The following CPNE4 variants were observed in gnomAD, a reference collection of about 807,000 sequenced individuals.
The protein encoded by CPNE4 is copine-4.
CPNE4 carries 25 observed loss-of-function variants against 67.9 expected under a neutral mutation model. The ratio of observed to expected loss-of-function variants is 0.37; its 90% CI spans 0.27 to 0.51. The LOEUF is 0.51. Ranked by LOEUF, CPNE4 falls within the 20% of genes least tolerant of loss-of-function variation. CPNE4 has a pLI of 0.93. For missense variants in CPNE4, 464 were observed against 690.8 expected (o/e 0.67, Z 3.68); for synonymous variants, 242 against 244.9 (o/e 0.99, Z 0.11).
intron 1 of CPNE4, among the ~76,000 whole-genome samples, chr3:131,911,169 C>A (rs2088958486): frequency 6.6e-6 from 1 of 152,108 alleles, no homozygotes; most frequent in Non-Finnish European, 1.5e-5. Flanking sequence ...GACTCTCTCC[C>A]TTGTTGGCTT....
intron 7 of CPNE4, among the ~76,000 whole-genome samples, chr3:131,656,850 C>T (rs997652236): frequency 2.2e-4 from 34 of 152,108 alleles, no homozygotes; most frequent in African/African-American, 7.7e-4. Flanking sequence ...GAGTTGACAC[C>T]TGAATGTTAA....
At chr3:131,775,079 CA>C (rs2083260456) in intron 2 of CPNE4, among the ~76,000 whole-genome samples, 1 of 152,078 alleles carries the variant, frequency 6.6e-6, no homozygotes, top group African/African-American at 2.4e-5. Flanking sequence ...TCTCTTTCCC[CA>C]AGGCTAGTAA....
intron 7 of CPNE4, chr3:131,620,416 T>G (rs2107758078): frequency 1.0e-6 from 1 of 982,288 alleles, no homozygotes; most frequent in East Asian, 1.1e-4. Context: ...TGAGCCATTT[T>G]CCTTGAGCTC....
intron 1 of CPNE4, among the ~76,000 whole-genome samples, chr3:131,996,238 CA>C (rs1186026205): frequency 2.0e-5 from 3 of 152,008 alleles, no homozygotes; most frequent in African/African-American, 7.3e-5. Flanking sequence ...TCCATGAGAG[CA>C]AAAGGTTGGA....
At chr3:131,633,096 A>G (rs539300330) in intron 7 of CPNE4, among the ~76,000 whole-genome samples, 7 of 152,270 alleles carry the variant, frequency 4.6e-5, no homozygotes, top group South Asian at 4.2e-4. Context: ...CCAGTTGCTC[A>G]GGCTAAGATT....
chr3:131,533,750 T>C lies in CPNE4; in HGVS notation c.*1445A>G, dbSNP rs1229602929. On this transcript the variant is annotated 3_prime_UTR_variant, in exon 16 of 16. Coordinates refer to ENST00000429747, the MANE Select transcript of CPNE4 (RefSeq NM_130808.3). ...AGGCATTTTATTTGCTTGTTAATAC[T>C]GCTCCCCTCTTCAAACAAACAACAA... The C allele has an allele frequency of 6.6e-6, 1 of 152,242 alleles. No individual in the cohort carries two copies. The highest frequency in any genetic ancestry group is 1.5e-5 in the Non-Finnish European group (1 of 68,044). The allele number at this position is 152,242 out of a possible 1,614,324, so 9.4% of individuals were successfully genotyped here. A position where few individuals can be genotyped will look rare whatever the true frequency, so the allele number is the denominator to read the frequency against.
At chr3:131,542,034 CT>C (rs1341302780) in intron 15 of CPNE4, among the ~76,000 whole-genome samples, 1 of 152,116 alleles carries the variant, frequency 6.6e-6, no homozygotes. Flanking sequence ...ATTTTTGATG[CT>C]GCTTACTATA....
intron 6 of CPNE4, among the ~76,000 whole-genome samples, chr3:131,671,459 A>ATGTATGTG (rs1491205483): frequency 1.8e-4 from 24 of 131,360 alleles, no homozygotes; most frequent in African/African-American, 5.6e-4. Flanking sequence ...GAGTGTACAC[A>ATGTATGTG]TGTGTGTGTG....
chr3:131,627,447 T>C (rs377069285), intron 7 of CPNE4, among the ~76,000 whole-genome samples: 1 of 152,172 alleles, frequency 6.6e-6, no homozygotes, highest in African/African-American at 2.4e-5. Flanking sequence ...GGAGATTCAT[T>C]GTTGTTTTTG....
intron 3 of CPNE4, among the ~76,000 whole-genome samples, chr3:131,717,951 C>CT: frequency 7.0e-6 from 1 of 141,992 alleles, no homozygotes; most frequent in Non-Finnish European, 1.5e-5. Flanking sequence ...TCTTTTCTTT[C>CT]TTTCTCTCTT....
intron 1 of CPNE4, among the ~76,000 whole-genome samples, chr3:132,004,391 T>A (rs1428185694): frequency 1.3e-5 from 2 of 152,118 alleles, no homozygotes; most frequent in Non-Finnish European, 2.9e-5. Context: ...ATAGGATGCA[T>A]GTATGTCTGC....
intron 2 of CPNE4, among the ~76,000 whole-genome samples, chr3:131,869,673 G>A (rs1483616499): frequency 1.3e-5 from 2 of 152,060 alleles, no homozygotes; most frequent in African/African-American, 4.8e-5. Flanking sequence ...ATTTTATTTT[G>A]ACTTTATTTT....
intron 2 of CPNE4, among the ~76,000 whole-genome samples, chr3:131,726,430 T>A (rs1231593540): frequency 6.6e-6 from 1 of 152,020 alleles, no homozygotes; most frequent in East Asian, 1.9e-4. Flanking sequence ...CCAAGGATAA[T>A]CAGAAAGCCA....
At chr3:131,662,231 A>G (rs2080145172) in intron 7 of CPNE4, among the ~76,000 whole-genome samples, 1 of 152,222 alleles carries the variant, frequency 6.6e-6, no homozygotes, top group Non-Finnish European at 1.5e-5. Context: ...AGTGGACTCA[A>G]ATCCATTTGG....
Position 131,697,709 on chromosome 3 carries a change from T to C in CPNE4, c.433-1093A>G, listed in dbSNP as rs2081187610. On this transcript the variant is annotated intron_variant, in intron 4 of 15. Coordinates refer to ENST00000429747, the MANE Select transcript of CPNE4 (RefSeq NM_130808.3). Reference sequence around the variant, plus strand: ...AGAACTATCATATTTGTATTTTTCATTTGGTTCTCTTTTGTCCCTTACCAC... The same window carrying C: ...AGAACTATCATATTTGTATTTTTCACTTGGTTCTCTTTTGTCCCTTACCAC... 2.6e-5 allele frequency among the ~76,000 whole-genome samples: 4 copies of C among 152,206 alleles called. No homozygotes were observed. In the South Asian group the frequency reaches 8.3e-4, roughly 31 times the overall value.
intron 2 of CPNE4, among the ~76,000 whole-genome samples, chr3:131,859,775 A>G (rs902148194): frequency 1.3e-5 from 2 of 152,184 alleles, no homozygotes; most frequent in Admixed American, 6.5e-5. Flanking sequence ...AATTCTGCTG[A>G]TACCCAAACG....
intron 2 of CPNE4, among the ~76,000 whole-genome samples, chr3:131,763,935 C>A (rs1012422750): frequency 6.6e-6 from 1 of 152,014 alleles, no homozygotes; most frequent in African/African-American, 2.4e-5. Context: ...CAAACACTTA[C>A]AGGGTGCATC....
intron 7 of CPNE4, chr3:131,620,572 A>G: frequency 1.9e-6 from 1 of 515,616 alleles, no homozygotes; most frequent in Non-Finnish European, 2.5e-6. Context: ...GTTACTTTAA[A>G]TAGCAAAAAG....
chr3:131,847,378 A>G (rs2086043157), intron 2 of CPNE4, among the ~76,000 whole-genome samples: 1 of 152,152 alleles, frequency 6.6e-6, no homozygotes, highest in South Asian at 2.1e-4. Flanking sequence ...TAGTGTAACT[A>G]GTTCTGGAAA....
Sources: gnomAD v4.1 joint callset for allele counts (sites outside exome capture counted in the v4.1 genomes callset) on GRCh38, gnomAD v4.1.1 for gene constraint, MANE v1.5 for transcripts, NCBI Gene and HGNC (gene_info 2026-07-23, HGNC 2026-07-21) for gene names.